HK1: variants seen among roughly 807,000 people sequenced by gnomAD.
HK1 encodes hexokinase-1.
Under a neutral mutation model 91.6 loss-of-function variants are expected in HK1, and 28 were observed. The observed-to-expected ratio is 0.31, with a 90% CI of 0.23 to 0.42. HK1 has a LOEUF of 0.42. Ranked by LOEUF, HK1 falls within the 10% of genes least tolerant of loss-of-function variation. The pLI, the probability that HK1 is intolerant of heterozygous loss-of-function variation, is 1.00. For synonymous variants in HK1, 430 were observed against 468.1 expected (o/e 0.92, Z 1.05); for missense variants, 770 against 1,219.8 (o/e 0.63, Z 5.49).
intron 3 of HK1, among the ~76,000 whole-genome samples, chr10:69,295,011 CAG>C (rs3086615): frequency 1.8e-3 from 228 of 125,002 alleles, no homozygotes; most frequent in Admixed American, 2.6e-3. Flanking sequence ...GCCTGGGCAA[CAG>C]AGAGAGAGAG....
At chr10:69,325,082 C>T (rs1441276510) in intron 1 of HK1, among the ~76,000 whole-genome samples, 5 of 113,264 alleles carry the variant, frequency 4.4e-5, no homozygotes, top group Admixed American at 1.2e-4. Context: ...ATGGAGTCTT[C>T]GCTCTGTTGC....
intron 1 of HK1, among the ~76,000 whole-genome samples, chr10:69,281,338 C>G (rs982146175): frequency 1.3e-5 from 2 of 152,158 alleles, no homozygotes; most frequent in Non-Finnish European, 2.9e-5. Flanking sequence ...CCCTAGAGGA[C>G]GGGGACCAAG....
At chr10:69,295,035 GAA>G (rs1491324845) in intron 3 of HK1, among the ~76,000 whole-genome samples, 16 of 142,046 alleles carry the variant, frequency 1.1e-4, no homozygotes, top group South Asian at 7.2e-4. Context: ...GAGAGAGAGA[GAA>G]AGAGAGACCC....
At chr10:69,312,336 A>G (rs1001636788), upstream of HK1, among the ~76,000 whole-genome samples, 1 of 152,176 alleles carries the variant, frequency 6.6e-6, no homozygotes, top group Non-Finnish European at 1.5e-5. Flanking sequence ...TCCCAGGTTC[A>G]AGTGATTCTC....
chr10:69,389,455 A>G, intron 14 of HK1, 159 bp downstream of exon 14: 1 of 418,170 alleles, frequency 2.4e-6, no homozygotes, highest in Non-Finnish European at 4.9e-6. Context: ...GGACGAAGGC[A>G]GCAGAGTCTC....
chr10:69,333,535 C>G (rs1847835000), intron 1 of HK1, among the ~76,000 whole-genome samples: 1 of 152,130 alleles, frequency 6.6e-6, no homozygotes, highest in South Asian at 2.1e-4. Flanking sequence ...AAGGACTTGG[C>G]CACTTTTACC....
rs767721186 is a variant in HK1, at chr10:69,369,212, A to G, written c.592-25A>G. The G allele has an allele frequency of 6.0e-5, 93 of 1,561,528 alleles. No individual in the cohort carries two copies. Among genetic ancestry groups the G allele is most frequent in the Admixed American group, 8.3e-5 (5 of 59,926 alleles). ...CTCTGCTCCCATGTGTGAGTGGACAATGACACCCCGTTATCTGTCCCCAGG... is the reference window on the plus strand; with the variant it reads ...CTCTGCTCCCATGTGTGAGTGGACAGTGACACCCCGTTATCTGTCCCCAGG... On this transcript the variant is annotated intron_variant, in intron 5 of 17. Coordinates refer to ENST00000359426, the MANE Select transcript of HK1 (RefSeq NM_000188.3). The surrounding 1 kb of genome is among the most constrained non-coding windows in gnomAD (Gnocchi z 4.4).
At chr10:69,358,148 G>A (rs959997751) in intron 2 of HK1, among the ~76,000 whole-genome samples, 21 of 152,140 alleles carry the variant, frequency 1.4e-4, no homozygotes, top group Non-Finnish European at 2.9e-4. Context: ...AGGGGTGGCC[G>A]TCACCCCTGG....
chr10:69,315,884 C>T, upstream of HK1: 1 of 1,485,862 alleles, frequency 6.7e-7, no homozygotes, highest in Non-Finnish European at 9.4e-7. Context: ...CAACCTGACA[C>T]TGGGCAAGAT....
At position 69,369,775 on chromosome 10, in the gene HK1, G is replaced by T. The variant is rs1223422095; in HGVS notation, c.875+151G>T. On this transcript the variant is annotated intron_variant, in intron 7 of 17. Coordinates refer to ENST00000359426, the MANE Select transcript of HK1 (RefSeq NM_000188.3). The surrounding 1 kb of genome is among the most constrained non-coding windows in gnomAD (Gnocchi z 4.4). ...TTTTTTTGAGGCGGAGTCTTGCTCT[G>T]TCACCCAGGCTGGAGTGCAGTGGCT... 2 of 795,204 alleles carry T rather than the reference G, an allele frequency of 2.5e-6. No individual in the cohort carries two copies. Among genetic ancestry groups the T allele is most frequent in the Non-Finnish European group, 4.2e-6 (2 of 471,232 alleles). 49.3% of individuals were successfully genotyped at this position (795,204 alleles called of 1,614,324 possible). A position where few individuals can be genotyped will look rare whatever the true frequency, so the allele number is the denominator to read the frequency against.
chr10:69,293,913 G>C (rs926283254), intron 3 of HK1, among the ~76,000 whole-genome samples: 2 of 141,254 alleles, frequency 1.4e-5, no homozygotes, highest in South Asian at 2.2e-4. Context: ...TCAGGCTGGA[G>C]TGCAGTGGCG....
At position 69,288,702 on chromosome 10, in the gene HK1, A is replaced by G. The variant is rs745482029; in HGVS notation, c.-183A>G. ...AAGACCCAGCTGTTGAGAGTAGAAA[A>G]GCAGAAGAAAGGACCCGAGGTCAGC... is the stretch of plus-strand genomic sequence containing the variant. On this transcript the variant is annotated 5_prime_UTR_variant, in exon 3 of 22. Coordinates refer to the HK1 transcript ENST00000360289. The G allele has an allele frequency of 2.5e-6, 4 of 1,606,918 alleles. No individual in the cohort carries two copies. The African/African-American group carries it at 4.0e-5, about 16-fold the overall frequency.
At chr10:69,330,879 T>G (rs1176448244) in intron 1 of HK1, among the ~76,000 whole-genome samples, 1 of 151,840 alleles carries the variant, frequency 6.6e-6, no homozygotes, top group Non-Finnish European at 1.5e-5. Flanking sequence ...TTTCTTTTCT[T>G]TTTTTCTTTT....
intron 3 of HK1, among the ~76,000 whole-genome samples, chr10:69,292,020 T>C (rs1845316510): frequency 6.6e-6 from 1 of 152,186 alleles, no homozygotes; most frequent in Admixed American, 6.5e-5. Context: ...GCTCAGACTG[T>C]CTATGGGATG....
At chr10:69,274,914 C>T (rs913399028) in intron 1 of HK1, among the ~76,000 whole-genome samples, 5 of 152,080 alleles carry the variant, frequency 3.3e-5, no homozygotes, top group African/African-American at 4.8e-5. Flanking sequence ...TAATCTCCCC[C>T]AACCCATGCC....
At chr10:69,343,333 C>A (rs1564527127) in intron 1 of HK1, among the ~76,000 whole-genome samples, 1 of 152,118 alleles carries the variant, frequency 6.6e-6, no homozygotes, top group Non-Finnish European at 1.5e-5. Flanking sequence ...TATGTTAGGT[C>A]CTATCTATCA....
chr10:69,330,462 G>A (rs1847651290), intron 1 of HK1, among the ~76,000 whole-genome samples: 1 of 151,984 alleles, frequency 6.6e-6, no homozygotes, highest in Non-Finnish European at 1.5e-5. Context: ...GCTAGGATGG[G>A]TACACAGACC....
chr10:69,327,603 C>T (rs79651429), intron 1 of HK1, among the ~76,000 whole-genome samples: 1 of 152,148 alleles, frequency 6.6e-6, no homozygotes, highest in Non-Finnish European at 1.5e-5. Flanking sequence ...GCTGAGATCA[C>T]CAGGCGGAGA....
chr10:69,361,437 C>T (rs76238145), intron 3 of HK1, among the ~76,000 whole-genome samples: 2 of 152,194 alleles, frequency 1.3e-5, no homozygotes, highest in South Asian at 4.1e-4. Flanking sequence ...GGTTTGGCAT[C>T]CTGCACTTTC....
Sources: gnomAD v4.1 joint callset for allele counts (sites outside exome capture counted in the v4.1 genomes callset) on GRCh38, gnomAD v4.1.1 for gene constraint, Gnocchi (gnomAD v3.1) non-coding constraint, MANE v1.5 for transcripts, NCBI Gene and HGNC (gene_info 2026-07-23, HGNC 2026-07-21) for gene names.